Variants in PPP3CA observed in about 807,000 individuals in gnomAD.
The protein encoded by PPP3CA is protein phosphatase 3 catalytic subunit alpha.
Under a neutral mutation model 66.5 loss-of-function variants are expected in PPP3CA, and 14 were observed. That is an observed-to-expected ratio of 0.21 (90% CI 0.14 to 0.33). PPP3CA has a LOEUF of 0.33. Among genes scored for constraint, PPP3CA ranks in the 10% least tolerant of loss-of-function variants. PPP3CA has a pLI of 1.00. For missense variants in PPP3CA, 317 were observed against 639.5 expected (o/e 0.50, Z 5.44); for synonymous variants, 232 against 226.2 (o/e 1.03, Z -0.23).
At chr4:101,111,317 C>T (rs567602461) in intron 2 of PPP3CA, among the ~76,000 whole-genome samples, 8 of 152,242 alleles carry the variant, frequency 5.3e-5, no homozygotes, top group Admixed American at 3.3e-4. Flanking sequence ...TTCCTTGCAA[C>T]GAATTTTATG....
intron 1 of PPP3CA, among the ~76,000 whole-genome samples, chr4:101,200,218 AC>A (rs1238719955): frequency 2.8e-4 from 43 of 152,294 alleles, no homozygotes; most frequent in African/African-American, 1.0e-3. Context: ...TGCCATGGTG[AC>A]ACCTTGACTG....
intron 2 of PPP3CA, among the ~76,000 whole-genome samples, chr4:101,140,210 T>C (rs1433553356): frequency 6.6e-6 from 1 of 152,214 alleles, no homozygotes; most frequent in Non-Finnish European, 1.5e-5. Context: ...AAACACTCAT[T>C]TGTCAGTTTT....
At chr4:101,093,481 C>T (rs997030174) in intron 6 of PPP3CA, among the ~76,000 whole-genome samples, 2 of 151,598 alleles carry the variant, frequency 1.3e-5, no homozygotes, top group Admixed American at 6.6e-5. Context: ...CTTCTATATG[C>T]ACTGGGAAAC....
intron 3 of PPP3CA, among the ~76,000 whole-genome samples, chr4:101,101,710 T>C (rs1270956749): frequency 6.6e-6 from 1 of 152,162 alleles, no homozygotes; most frequent in Non-Finnish European, 1.5e-5. Flanking sequence ...AATTAATTTT[T>C]ACACAAATCC....
chr4:101,290,530 T>G (rs1727989730), intron 1 of PPP3CA, among the ~76,000 whole-genome samples: 1 of 152,224 alleles, frequency 6.6e-6, no homozygotes, highest in African/African-American at 2.4e-5. Flanking sequence ...TTGTTTCTTT[T>G]TCATTCATGT....
At position 101,217,828 on chromosome 4, in the gene PPP3CA, T is replaced by C. The variant is rs561418899; in HGVS notation, c.59-21712A>G. Among the ~76,000 whole-genome samples the C allele has an allele frequency of 7.9e-5, 12 of 152,200 alleles. No individual in the cohort carries two copies. In the East Asian group the frequency reaches 1.5e-3, roughly 20 times the overall value. ...GCAGTCGGTTGTACAGTGTGACTACTGCACAAGTGTCTGGATGAGGCAGAA... is the reference window on the plus strand; with the variant it reads ...GCAGTCGGTTGTACAGTGTGACTACCGCACAAGTGTCTGGATGAGGCAGAA... On this transcript the variant is annotated intron_variant, in intron 1 of 13. Transcript: ENST00000394854.
At chr4:101,284,225 T>C (rs1001982518) in intron 1 of PPP3CA, among the ~76,000 whole-genome samples, 1 of 152,196 alleles carries the variant, frequency 6.6e-6, no homozygotes, top group African/African-American at 2.4e-5. Flanking sequence ...TCAGGAAGTA[T>C]AACGGTAACT....
chr4:101,184,443 A>G (rs751179527), intron 2 of PPP3CA, among the ~76,000 whole-genome samples: 3 of 152,222 alleles, frequency 2.0e-5, no homozygotes, highest in Admixed American at 2.0e-4. Context: ...CACATGAAAT[A>G]TAGTCAGACT....
At chr4:101,141,205 A>C (rs1369247306) in intron 2 of PPP3CA, among the ~76,000 whole-genome samples, 1 of 152,068 alleles carries the variant, frequency 6.6e-6, no homozygotes, top group African/African-American at 2.4e-5. Flanking sequence ...CCCCGCCTCT[A>C]CTAAAAATAC....
rs1553937764 is a variant in PPP3CA, at chr4:101,278,138, AAT to A, written c.58+68599_58+68600del. ...AGCTATTAGTAAAAAAAAAAAAAAAAATAAAAAAATTAAAAAGTTATTTTAAC... is the reference window on the plus strand; with the variant it reads ...AGCTATTAGTAAAAAAAAAAAAAAAAAAAAAAATTAAAAAGTTATTTTAAC... On this transcript the variant is annotated intron_variant, in intron 1 of 13. Transcript: ENST00000394854. Among the ~76,000 whole-genome samples the A allele has an allele frequency of 2.7e-4, 40 of 145,780 alleles. 1 individual carries two copies. Among genetic ancestry groups the A allele is most frequent in the Non-Finnish European group, 3.8e-4 (26 of 67,592 alleles).
chr4:101,325,991 T>C (rs1729195124), intron 1 of PPP3CA, among the ~76,000 whole-genome samples: 1 of 152,018 alleles, frequency 6.6e-6, no homozygotes, highest in Non-Finnish European at 1.5e-5. Flanking sequence ...ATAAAAACAT[T>C]AGCCAGGTGG....
chr4:101,072,797 G>A (rs1017758813), intron 8 of PPP3CA, among the ~76,000 whole-genome samples: 2 of 151,494 alleles, frequency 1.3e-5, no homozygotes, highest in East Asian at 1.9e-4. Context: ...TTAGCCAGGC[G>A]TGGTGGTGGG....
intron 10 of PPP3CA, among the ~76,000 whole-genome samples, chr4:101,048,552 T>C (rs1449795688): frequency 7.2e-6 from 1 of 138,052 alleles, no homozygotes; most frequent in African/African-American, 2.6e-5. Flanking sequence ...TGTATGCCTA[T>C]ATAAGTTACT....
intron 2 of PPP3CA, among the ~76,000 whole-genome samples, chr4:101,191,425 G>T (rs1724598831): frequency 6.6e-6 from 1 of 152,148 alleles, no homozygotes; most frequent in Non-Finnish European, 1.5e-5. Flanking sequence ...AAATTAAGGA[G>T]TATATGGACA....
chr4:101,102,745 AAATAC>A (rs1434937955), intron 3 of PPP3CA, among the ~76,000 whole-genome samples: 1 of 152,240 alleles, frequency 6.6e-6, no homozygotes, highest in African/African-American at 2.4e-5. Context: ...GAAAGCAGTG[AAATAC>A]AATTAGTTAA....
At chr4:101,340,814 C>G (rs900319374) in intron 1 of PPP3CA, among the ~76,000 whole-genome samples, 5 of 152,102 alleles carry the variant, frequency 3.3e-5, no homozygotes, top group African/African-American at 1.2e-4. Flanking sequence ...TTAACAAAAT[C>G]ATCAAATCTG....
intron 1 of PPP3CA, among the ~76,000 whole-genome samples, chr4:101,226,582 C>T (rs551224899): frequency 2.0e-5 from 3 of 151,684 alleles, no homozygotes; most frequent in Non-Finnish European, 3.0e-5. Flanking sequence ...CACGGTATAA[C>T]TGAATTGAAG....
intron 2 of PPP3CA, among the ~76,000 whole-genome samples, chr4:101,188,981 A>G (rs1232701805): frequency 2.0e-5 from 3 of 152,152 alleles, no homozygotes; most frequent in South Asian, 2.1e-4. Context: ...TGAAAAATTT[A>G]TATTCTTTTT....
intron 10 of PPP3CA, among the ~76,000 whole-genome samples, chr4:101,057,750 G>A (rs530457404): frequency 3.9e-5 from 6 of 152,200 alleles, no homozygotes; most frequent in East Asian, 3.9e-4. Flanking sequence ...ATAACCTATC[G>A]TGAATGCATA....
Sources: allele counts gnomAD v4.1 joint callset (sites outside exome capture counted in the v4.1 genomes callset), GRCh38; gene constraint gnomAD v4.1.1; transcripts MANE v1.5; gene names NCBI Gene and HGNC (gene_info 2026-07-23, HGNC 2026-07-21).